DRP2: variants seen among roughly 807,000 people sequenced by gnomAD.
The protein encoded by DRP2 is dystrophin-related protein 2.
In DRP2, 29 loss-of-function variants were observed where a neutral mutation model predicts 78.2. The ratio of observed to expected loss-of-function variants is 0.37; its 90% confidence interval spans 0.28 to 0.51. The LOEUF is 0.51. DRP2 is among the 20% of genes least tolerant of loss of function. The pLI is 0.94. For missense variants in DRP2, 686 were observed against 770.6 expected (o/e 0.89, Z 1.30); for synonymous variants, 290 against 281.9 (o/e 1.03, Z -0.29).
In DRP2 at chrX:101,261,982, C is replaced by T. The variant is rs1196145868; in HGVS notation, c.*1361C>T. 1 of 112,038 alleles carries T rather than the reference C, an allele frequency of 8.9e-6. No individual in the cohort carries two copies. Among genetic ancestry groups the T allele is most frequent in the African/African-American group, 3.2e-5 (1 of 30,812 alleles). The allele number at this position is 112,038 out of a possible 1,213,427, so 9.2% of individuals were successfully genotyped here. On this transcript the variant is annotated 3_prime_UTR_variant, in exon 24 of 24. Coordinates refer to ENST00000395209, the MANE Select transcript of DRP2 (RefSeq NM_001939.3). ...GAGCCCTGCAGTTGACTTCATTTGC[C>T]TAAGTTTATATACATACATATCTAT...
In DRP2 at chrX:101,250,946, C is replaced by T. The variant is rs1923119865; in HGVS notation, c.1728C>T (p.Ser576=). 1 of 1,209,629 alleles carries T rather than the reference C, an allele frequency of 8.3e-7. No homozygotes were observed. Among genetic ancestry groups the T allele is most frequent in the African/African-American group, 1.8e-5 (1 of 57,108 alleles). ...FSTGKPVIEA[S]QFLEWVNLEP... ...CCGGGAAGCCAGTCATTGAAGCATC[C>T]CAGTTCCTGGAGTGGGTCAACCTGG... The change falls in exon 16 of 24, where the codon TCC becomes TCT. Residue 576 remains serine, a synonymous_variant. Transcript: ENST00000395209.
intron 2 of DRP2, among the ~76,000 whole-genome samples, chrX:101,228,515 C>T (rs1409925202): frequency 1.8e-5 from 2 of 111,814 alleles, no homozygotes; most frequent in Non-Finnish European, 3.8e-5. Flanking sequence ...CTGGACCACA[C>T]TGCTAATAGG....
Position 101,243,392 on chromosome X carries a change from C to T in DRP2, c.1054+410C>T, listed in dbSNP as rs765136720. Among the ~76,000 whole-genome samples, 10 of 86,484 alleles carry T rather than the reference C, an allele frequency of 1.2e-4. No individual in the cohort carries two copies. The East Asian group carries it at 2.3e-3, about 20-fold the overall frequency. The allele number at this position is 86,484 out of a possible 115,157, so 75.1% of individuals were successfully genotyped here. A position where few individuals can be genotyped will look rare whatever the true frequency, so the allele number is the denominator to read the frequency against. On this transcript the variant is annotated intron_variant, in intron 9 of 23. Transcript: ENST00000395209. Reference sequence around the variant, plus strand: ...AGCCTGGGCGATAAGGATGAAACTCCGTCTCAAAAAAAAAAAAAAAAAAAC... The same window carrying T: ...AGCCTGGGCGATAAGGATGAAACTCTGTCTCAAAAAAAAAAAAAAAAAAAC...
intron 11 of DRP2, 56 bp downstream of exon 11, chrX:101,245,505 A>G: frequency 1.0e-6 from 1 of 966,991 alleles, no homozygotes; most frequent in Non-Finnish European, 1.4e-6. Context: ...CCTTTGTCCT[A>G]TAATGTCCAT....
chrX:101,247,205 C>G, intron 12 of DRP2, 41 bp downstream of exon 12: 1 of 1,102,721 alleles, frequency 9.1e-7, no homozygotes, highest in Non-Finnish European at 1.2e-6. Context: ...TTCACCACCC[C>G]TCTCCTGTTC....
In DRP2 at chrX:101,258,305, G is replaced by T; in HGVS notation, c.2391-4G>T. On this transcript the variant is annotated splice_region_variant and splice_polypyrimidine_tract_variant and intron_variant, in intron 21 of 23. Transcript: ENST00000395209. ...ATAGGTCTTGGTGTCTCTCTCCATG[G>T]CAGGATTCTCCAGGGAGAGCTGAGG... 8.5e-7 allele frequency: 1 copy of T among 1,170,876 alleles called. No individual in the cohort carries two copies.
At chrX:101,227,586 C>A (rs73556806) in intron 2 of DRP2, among the ~76,000 whole-genome samples, 43,609 of 110,402 alleles carry the variant, frequency 0.4, 7,022 homozygotes, top group African/African-American at 0.57. Flanking sequence ...ACAGCACAGC[C>A]GACTACAAAG....
intron 11 of DRP2, 26 bp from the exon 12 acceptor site, chrX:101,247,064 A>G (rs1165786108): frequency 8.3e-7 from 1 of 1,199,520 alleles, no homozygotes; most frequent in East Asian, 3.0e-5. Context: ...TTCTGATCTG[A>G]GTGGGTCTCT....
rs1221138060 is a variant in DRP2 at position 101,264,490 on chromosome X, C to T, written c.*3869C>T. ...CTGCTTTGAAAAGAATAAATTTGTACTTGTTTACTTTGGTTCCTCTGGTTA... is the reference window on the plus strand; with the variant it reads ...CTGCTTTGAAAAGAATAAATTTGTATTTGTTTACTTTGGTTCCTCTGGTTA... On this transcript the variant is annotated 3_prime_UTR_variant, in exon 24 of 24. Transcript: ENST00000395209. 8.9e-6 allele frequency: 1 copy of T among 111,880 alleles called. No individual in the cohort carries two copies. Among genetic ancestry groups the T allele is most frequent in the Non-Finnish European group, 1.9e-5 (1 of 53,187 alleles). The allele number at this position is 111,880 out of a possible 1,213,427, so 9.2% of individuals were successfully genotyped here.
At chrX:101,259,310 C>A (rs1037097652) in intron 22 of DRP2, among the ~76,000 whole-genome samples, 5 of 111,464 alleles carry the variant, frequency 4.5e-5, no homozygotes, top group Admixed American at 3.8e-4. Flanking sequence ...TCTGCCTCTT[C>A]CCCAGATCCT....
intron 17 of DRP2, among the ~76,000 whole-genome samples, chrX:101,253,287 T>C (rs1923203014): frequency 9.0e-6 from 1 of 111,045 alleles, no homozygotes; most frequent in South Asian, 3.8e-4. Flanking sequence ...TCCTCCATAC[T>C]TGCCTTAGCC....
At chrX:101,239,350 C>T (rs1189735400) in intron 6 of DRP2, among the ~76,000 whole-genome samples, 2 of 111,500 alleles carry the variant, frequency 1.8e-5, no homozygotes, top group Non-Finnish European at 3.8e-5. Flanking sequence ...TTTGGAGCAG[C>T]ATGTGTGGCC....
At chrX:101,224,181 G>GTTTTTTTTTTTTTTTTTTTTTTTTTTT (rs1379202759) in intron 1 of DRP2, among the ~76,000 whole-genome samples, 5 of 47,654 alleles carry the variant, frequency 1.0e-4, no homozygotes, top group African/African-American at 4.9e-4. Context: ...ATGTTTGCTG[G>GTTTTTTTTTTTTTTTTTTTTTTTTTTT]GTTTTTTTTG....
At chrX:101,251,165 C>A in intron 16 of DRP2, 82 bp downstream of exon 16, 1 of 915,201 alleles carries the variant, frequency 1.1e-6, no homozygotes, top group South Asian at 2.6e-5. Flanking sequence ...AATAAAGTGT[C>A]ACCTAATTAT....
chrX:101,245,409 C>T lies in DRP2; in HGVS notation c.1137C>T (p.Cys379=). ...YYINHQAQTT[C]WDHPKMTELY... ...GTAGCCACCAGGCTCAGACCACATG[C>T]TGGGACCATCCCAAGATGACAGAGT... The change falls in exon 11 of 24, where the codon TGC becomes TGT. Residue 379 remains cysteine (C), a synonymous_variant. Coordinates refer to ENST00000395209, the MANE Select transcript of DRP2 (RefSeq NM_001939.3). The T allele has an allele frequency of 8.3e-7, 1 of 1,205,949 alleles. No individual in the cohort carries two copies. The highest frequency in any genetic ancestry group is 1.1e-6 in the Non-Finnish European group (1 of 892,388).
chrX:101,256,552 A>T (rs1923344897), intron 21 of DRP2, among the ~76,000 whole-genome samples: 1 of 98,318 alleles, frequency 1.0e-5, no homozygotes, highest in South Asian at 5.4e-4. Context: ...AAACTTTTAA[A>T]TTTTTTTTTT....
At chrX:101,243,822 G>A (rs138093048) in intron 9 of DRP2, among the ~76,000 whole-genome samples, 1,337 of 111,872 alleles carry the variant, frequency 0.012, 16 homozygotes, top group African/African-American at 0.041. Context: ...GCATGGAGGT[G>A]TTGCAATTTT....
chrX:101,245,101 G>T, intron 10 of DRP2, 24 bp downstream of exon 10: 3 of 1,194,667 alleles, frequency 2.5e-6, no homozygotes, highest in Non-Finnish European at 3.4e-6. Flanking sequence ...TGAATCAGAA[G>T]CGGGTCAGTC....
At chrX:101,240,305 C>G (rs1193751691) in intron 6 of DRP2, among the ~76,000 whole-genome samples, 1 of 103,085 alleles carries the variant, frequency 9.7e-6, no homozygotes, top group African/African-American at 3.4e-5. Context: ...CTTATTGCAG[C>G]CTTGACCTCC....
Sources: allele counts gnomAD v4.1 joint callset (sites outside exome capture counted in the v4.1 genomes callset), GRCh38; gene constraint gnomAD v4.1.1; transcripts MANE v1.5; gene names NCBI Gene and HGNC (gene_info 2026-07-23, HGNC 2026-07-21).